OXR1: variants seen among roughly 807,000 people sequenced by gnomAD.
OXR1 encodes the protein oxidation resistance 1.
OXR1 carries 41 observed loss-of-function variants against 104.6 expected under a neutral mutation model. The observed-to-expected ratio is 0.39, with a 90% CI of 0.31 to 0.51. The LOEUF is 0.51. OXR1 is among the 20% of genes least tolerant of loss of function. The pLI, the probability that OXR1 is intolerant of heterozygous loss-of-function variation, is 0.77. For missense variants in OXR1, 955 were observed against 1,031.9 expected, an observed-to-expected ratio of 0.93 and a Z score of 1.02; for synonymous variants, 348 against 348.4, an observed-to-expected ratio of 1.00 and a Z score of 0.01.
intron 3 of OXR1, among the ~76,000 whole-genome samples, chr8:106,563,396 A>G (rs866168764): frequency 1.2e-4 from 18 of 152,224 alleles, no homozygotes; most frequent in Admixed American, 2.0e-4. Flanking sequence ...ACAAAGAAGG[A>G]CACTACATAA....
chr8:106,637,576 T>G (rs939353495), intron 3 of OXR1, among the ~76,000 whole-genome samples: 1 of 152,116 alleles, frequency 6.6e-6, no homozygotes, highest in Admixed American at 6.5e-5. Flanking sequence ...CTTCCAACCT[T>G]GGGGAGGAAA....
At chr8:106,512,636 G>A (rs1014763804) in intron 2 of OXR1, among the ~76,000 whole-genome samples, 4 of 152,128 alleles carry the variant, frequency 2.6e-5, no homozygotes, top group African/African-American at 9.7e-5. Flanking sequence ...AGGTAGAGTT[G>A]TATCATGTAG....
intron 2 of OXR1, among the ~76,000 whole-genome samples, chr8:106,483,659 G>A (rs1201305713): frequency 6.6e-6 from 1 of 152,018 alleles, no homozygotes; most frequent in Non-Finnish European, 1.5e-5. Flanking sequence ...ATAAATTAAT[G>A]ACTTGGCATT....
intron 1 of OXR1, among the ~76,000 whole-genome samples, chr8:106,358,969 A>C (rs1043982471): frequency 3.3e-5 from 5 of 152,152 alleles, no homozygotes; most frequent in African/African-American, 1.2e-4. Flanking sequence ...TTAGCGAATA[A>C]TTTAATTCAC....
At chr8:106,506,022 T>G (rs1415742466) in intron 2 of OXR1, among the ~76,000 whole-genome samples, 1 of 152,146 alleles carries the variant, frequency 6.6e-6, no homozygotes, top group Non-Finnish European at 1.5e-5. Context: ...ATGAAGAAAC[T>G]TAAGATATAA....
At chr8:106,566,538 C>T (rs1817088909) in intron 3 of OXR1, among the ~76,000 whole-genome samples, 1 of 152,130 alleles carries the variant, frequency 6.6e-6, no homozygotes, top group South Asian at 2.1e-4. Context: ...TAAATTAGTT[C>T]GACCATTGTG....
chr8:106,732,542 C>T (rs1163924191), intron 11 of OXR1, among the ~76,000 whole-genome samples: 1 of 151,962 alleles, frequency 6.6e-6, no homozygotes, highest in African/African-American at 2.4e-5. Flanking sequence ...TGTTCTTTAT[C>T]CAGTTGAGGG....
chr8:106,311,193 C>T lies in OXR1; in HGVS notation c.-139+40826C>T, dbSNP rs576602932. ...CTTTATGGGATGAGTTATTTCTGCT[C>T]TTCTTTTAAATTTCAACGATAATTT... On this transcript the variant is annotated intron_variant, in intron 1 of 16. Coordinates refer to ENST00000517566, the MANE Select transcript of OXR1 (RefSeq NM_001198533.2). 1.2e-3 allele frequency among the ~76,000 whole-genome samples: 180 copies of T among 151,988 alleles called. 3 individuals are homozygous for T. Among genetic ancestry groups the T allele is most frequent in the African/African-American group, 7.7e-4 (32 of 41,502 alleles).
At chr8:106,627,713 T>C (rs1262273701) in intron 3 of OXR1, among the ~76,000 whole-genome samples, 1 of 152,182 alleles carries the variant, frequency 6.6e-6, no homozygotes, top group Non-Finnish European at 1.5e-5. Flanking sequence ...TACTCTTTTT[T>C]CGGAGATGAT....
At chr8:106,339,472 G>GC (rs1815110948) in intron 1 of OXR1, among the ~76,000 whole-genome samples, 1 of 110,634 alleles carries the variant, frequency 9.0e-6, no homozygotes, top group Non-Finnish European at 1.7e-5. Context: ...TCCAGCCTGG[G>GC]AACAGAGCGA....
intron 2 of OXR1, among the ~76,000 whole-genome samples, chr8:106,508,804 G>A (rs1022405485): frequency 2.0e-5 from 3 of 152,100 alleles, no homozygotes; most frequent in Non-Finnish European, 4.4e-5. Context: ...TTCTTTTGGG[G>A]AAAGTTAAGA....
chr8:106,320,694 C>G (rs1235843279), intron 1 of OXR1, among the ~76,000 whole-genome samples: 1 of 151,448 alleles, frequency 6.6e-6, no homozygotes, highest in Non-Finnish European at 1.5e-5. Flanking sequence ...GGGGCGGGGA[C>G]AGAGTCTTGC....
chr8:106,597,449 A>AT (rs1819620169), intron 3 of OXR1, among the ~76,000 whole-genome samples: 1 of 152,204 alleles, frequency 6.6e-6, no homozygotes, highest in Non-Finnish European at 1.5e-5. Context: ...TCATTTTATG[A>AT]TATTTTTGTT....
At chr8:106,324,824 T>C (rs902806384) in intron 1 of OXR1, among the ~76,000 whole-genome samples, 2 of 152,196 alleles carry the variant, frequency 1.3e-5, no homozygotes, top group African/African-American at 4.8e-5. Flanking sequence ...TTTAGGCTTT[T>C]GGAACCATAA....
intron 3 of OXR1, among the ~76,000 whole-genome samples, chr8:106,631,540 T>C (rs1470281555): frequency 3.9e-5 from 6 of 152,240 alleles, no homozygotes; most frequent in Admixed American, 6.5e-5. Flanking sequence ...TAAAATGTTT[T>C]TGTGGTCTTA....
intron 11 of OXR1, chr8:106,720,713 A>G: frequency 6.1e-6 from 6 of 979,076 alleles, no homozygotes; most frequent in Non-Finnish European, 6.1e-6. Flanking sequence ...AGATACTACA[A>G]GGAGAGGAAG....
chr8:106,673,529 G>A (rs1229358649), intron 3 of OXR1, among the ~76,000 whole-genome samples: 13 of 152,170 alleles, frequency 8.5e-5, no homozygotes, highest in Admixed American at 8.5e-4. Flanking sequence ...CAATAGAAAA[G>A]AAAAACCTGT....
At chr8:106,353,179 T>C (rs1341400608) in intron 1 of OXR1, among the ~76,000 whole-genome samples, 1 of 151,864 alleles carries the variant, frequency 6.6e-6, no homozygotes, top group Admixed American at 6.6e-5. Flanking sequence ...CAAAACCCCA[T>C]CTCTGCAAAA....
intron 2 of OXR1, among the ~76,000 whole-genome samples, chr8:106,484,943 A>G (rs1409500131): frequency 1.3e-5 from 2 of 152,090 alleles, no homozygotes; most frequent in Non-Finnish European, 2.9e-5. Context: ...CCTTCAGTAG[A>G]TAAATGGATA....
Sources: gnomAD v4.1 joint callset for allele counts (sites outside exome capture counted in the v4.1 genomes callset) on GRCh38, gnomAD v4.1.1 for gene constraint, MANE v1.5 for transcripts, NCBI Gene and HGNC (gene_info 2026-07-23, HGNC 2026-07-21) for gene names.